The following DOCK10 variants were observed in gnomAD, a reference collection of about 807,000 sequenced individuals.
DOCK10 encodes the protein dedicator of cytokinesis 10, also known as dedicator of cytokinesis protein 10.
A neutral mutation model predicts 280.1 loss-of-function variants in DOCK10; 145 were observed. That is an observed-to-expected ratio of 0.52 (90% CI 0.45 to 0.59). The LOEUF is 0.59. Ranked by LOEUF, DOCK10 falls within the 20% of genes least tolerant of loss-of-function variation. DOCK10 has a pLI of 0.00. For missense variants in DOCK10, 2,368 were observed against 2,651.7 expected (o/e 0.89, Z 2.35); for synonymous variants, 915 against 942.2 (o/e 0.97, Z 0.53).
intron 27 of DOCK10, among the ~76,000 whole-genome samples, chr2:224,824,744 T>C (rs1430798328): frequency 6.6e-6 from 1 of 152,032 alleles, no homozygotes; most frequent in East Asian, 1.9e-4. Flanking sequence ...TTACTTCTGA[T>C]AAGATTCATT....
At chr2:224,877,363 G>A (rs60696641) in intron 7 of DOCK10, among the ~76,000 whole-genome samples, 26,533 of 147,402 alleles carry the variant, frequency 0.18, 3,799 homozygotes, top group African/African-American at 0.41. Flanking sequence ...GTAATAGTAC[G>A]GACACTTGAA....
intron 1 of DOCK10, chr2:224,947,133 GTAAC>G (rs1424965262): frequency 1.8e-6 from 2 of 1,097,682 alleles, no homozygotes; most frequent in East Asian, 3.1e-5. Context: ...CTTCCTGTGA[GTAAC>G]TAACTACCAG....
chr2:224,891,793 C>A (rs565696173), intron 4 of DOCK10, among the ~76,000 whole-genome samples: 1 of 152,292 alleles, frequency 6.6e-6, no homozygotes, highest in Admixed American at 6.5e-5. Flanking sequence ...CAATTTAAGT[C>A]AGATCTGGGG....
At chr2:224,778,101 A>C in intron 51 of DOCK10, 37 bp downstream of exon 51, 1 of 1,597,138 alleles carries the variant, frequency 6.3e-7, no homozygotes. Context: ...AACTCAGTCA[A>C]TTCTTAGCAC....
At chr2:225,008,472 G>C (rs949185762) in intron 1 of DOCK10, among the ~76,000 whole-genome samples, 2 of 152,106 alleles carry the variant, frequency 1.3e-5, no homozygotes, top group Non-Finnish European at 2.9e-5. Flanking sequence ...GCATTTATGG[G>C]TTTCAGTGAT....
At chr2:224,969,176 A>C (rs913007112) in intron 1 of DOCK10, among the ~76,000 whole-genome samples, 1 of 152,192 alleles carries the variant, frequency 6.6e-6, no homozygotes, top group Non-Finnish European at 1.5e-5. Context: ...CAGTCCTCTC[A>C]AATGGGGGTA....
At chr2:224,942,170 CTTAG>C (rs1401698427) in intron 1 of DOCK10, among the ~76,000 whole-genome samples, 2 of 152,350 alleles carry the variant, frequency 1.3e-5, no homozygotes, top group East Asian at 3.9e-4. Context: ...GAAGACCATT[CTTAG>C]TTAAATTACA....
Position 224,856,853 on chromosome 2 carries a change from A to T in DOCK10, c.1808+7T>A. On this transcript the variant is annotated splice_region_variant and intron_variant, in intron 15 of 55. Transcript: ENST00000258390. Reference sequence around the variant, plus strand: ...ATGTTAATTTCGAGAGTATAAAAAAAACATACCTTCTATAATCTGATACTA... The same window carrying T: ...ATGTTAATTTCGAGAGTATAAAAAATACATACCTTCTATAATCTGATACTA... The T allele has an allele frequency of 6.3e-6, 10 of 1,598,492 alleles. No individual in the cohort carries two copies. The highest frequency in any genetic ancestry group is 8.5e-6 in the Non-Finnish European group (10 of 1,172,476).
intron 16 of DOCK10, among the ~76,000 whole-genome samples, chr2:224,854,664 C>G (rs901525737): frequency 1.4e-4 from 21 of 152,124 alleles, no homozygotes; most frequent in African/African-American, 5.1e-4. Context: ...TAATTTAATA[C>G]CTTGTTAGGT....
intron 1 of DOCK10, among the ~76,000 whole-genome samples, chr2:224,945,266 C>T (rs925141993): frequency 7.2e-5 from 11 of 152,150 alleles, no homozygotes; most frequent in Non-Finnish European, 1.3e-4. Context: ...CAGTTATTCT[C>T]CTTAACAGGC....
At position 224,823,573 on chromosome 2, in the gene DOCK10, A is replaced by G; in HGVS notation, c.3111T>C (p.His1037=). The change falls in exon 28 of 56, where the codon CAT becomes CAC. Residue 1037 remains histidine, a synonymous_variant. Transcript: ENST00000258390. ...GTGCATCCTTGTATTTCCAAATCAC[A>G]TGGTCGGATAGGACCATGACAAGAT... The part of the protein sequence containing the change: ...LDNLVMVLSD[H]VIWKYKDALE... 6.2e-7 allele frequency: 1 copy of G among 1,608,852 alleles called. No homozygotes were observed. Among genetic ancestry groups the G allele is most frequent in the Non-Finnish European group, 8.5e-7 (1 of 1,178,510 alleles).
intron 22 of DOCK10, 45 bp from the exon 23 acceptor site, chr2:224,841,941 C>T (rs777047539): frequency 7.1e-6 from 10 of 1,403,522 alleles, no homozygotes; most frequent in South Asian, 2.3e-5. Context: ...GACACGTAAA[C>T]CGTGTTACAA....
At chr2:224,885,190 G>A (rs546359712) in intron 7 of DOCK10, among the ~76,000 whole-genome samples, 1 of 152,138 alleles carries the variant, frequency 6.6e-6, no homozygotes, top group Non-Finnish European at 1.5e-5. Context: ...AGTAGAGATG[G>A]GGTTTCACCA....
chr2:225,016,040 T>C (rs1689580873), intron 1 of DOCK10, among the ~76,000 whole-genome samples: 2 of 152,206 alleles, frequency 1.3e-5, no homozygotes, highest in African/African-American at 2.4e-5. Flanking sequence ...TGGGATAGCA[T>C]GTGCTAAAAT....
intron 27 of DOCK10, among the ~76,000 whole-genome samples, chr2:224,824,429 C>CTTTTTTTTTTT (rs869275800): frequency 6.3e-5 from 4 of 63,602 alleles, no homozygotes; most frequent in Non-Finnish European, 1.1e-4. Flanking sequence ...TCAGACTCTG[C>CTTTTTTTTTTT]TTTTTTTTTT....
At chr2:224,993,223 T>C (rs2126272802) in intron 1 of DOCK10, among the ~76,000 whole-genome samples, 1 of 151,590 alleles carries the variant, frequency 6.6e-6, no homozygotes, top group Middle Eastern at 3.4e-3. Flanking sequence ...TTTTTTGCTG[T>C]CCAACAGACC....
intron 2 of DOCK10, among the ~76,000 whole-genome samples, chr2:224,926,976 G>C (rs1312910562): frequency 1.3e-5 from 2 of 152,216 alleles, no homozygotes; most frequent in African/African-American, 4.8e-5. Flanking sequence ...ACAAGTGACA[G>C]AGGAGTGAAA....
intron 47 of DOCK10, among the ~76,000 whole-genome samples, chr2:224,790,020 A>T (rs1692054702): frequency 6.6e-6 from 1 of 152,162 alleles, no homozygotes; most frequent in Non-Finnish European, 1.5e-5. Context: ...ACCTCAGGTG[A>T]TCTGCCCGCC....
chr2:224,883,061 G>C (rs1159232406), intron 7 of DOCK10, among the ~76,000 whole-genome samples: 1 of 152,152 alleles, frequency 6.6e-6, no homozygotes, highest in African/African-American at 2.4e-5. Context: ...CAGGGATAGA[G>C]GTGAACTCTT....
Sources: allele counts gnomAD v4.1 joint callset (sites outside exome capture counted in the v4.1 genomes callset), GRCh38; gene constraint gnomAD v4.1.1; transcripts MANE v1.5; gene names NCBI Gene and HGNC (gene_info 2026-07-23, HGNC 2026-07-21).